SGK1: variants seen among roughly 807,000 people sequenced by gnomAD.
SGK1 encodes serum/glucocorticoid regulated kinase 1.
Under a neutral mutation model 64.2 loss-of-function variants are expected in SGK1, and 26 were observed. That is an observed-to-expected ratio of 0.40 (90% confidence interval 0.30 to 0.56). The LOEUF (loss-of-function observed/expected upper bound fraction) is 0.56. SGK1 is among the 20% of genes least tolerant of loss of function. SGK1 has a pLI of 0.38. For missense variants in SGK1, 519 were observed against 645.6 expected, an observed-to-expected ratio of 0.80 and a Z score of 2.12; for synonymous variants, 265 against 239.7, an observed-to-expected ratio of 1.11 and a Z score of -0.98.
chr6:134,279,234 C>T (rs556673521), intron 1 of SGK1, among the ~76,000 whole-genome samples: 30 of 152,186 alleles, frequency 2.0e-4, no homozygotes, highest in African/African-American at 6.7e-4. Context: ...GAGTTCAAGA[C>T]TAGCCTGGCC....
intron 1 of SGK1, chr6:134,282,945 A>C (rs930589750): frequency 1.3e-5 from 2 of 151,782 alleles, no homozygotes; most frequent in African/African-American, 4.9e-5. Flanking sequence ...AGAGATAAAA[A>C]CTCAGAAAGG....
At chr6:134,283,162 C>G (rs533463617) in intron 1 of SGK1, 3 of 152,322 alleles carry the variant, frequency 2.0e-5, no homozygotes, top group African/African-American at 7.3e-5. Context: ...TGTTCCTTCT[C>G]CACTCCCGCT....
In SGK1 at chr6:134,267,883, C is replaced by T. The variant is rs114985164; in HGVS notation, c.70-5735G>A. Among the ~76,000 whole-genome samples, 870 of 152,314 alleles carry T rather than the reference C, an allele frequency of 5.7e-3. 7 individuals carry two copies. Among genetic ancestry groups the T allele is most frequent in the African/African-American group, 0.019 (807 of 41,572 alleles). On this transcript the variant is annotated intron_variant, in intron 1 of 13. Coordinates refer to ENST00000367858, the MANE Select transcript of SGK1 (RefSeq NM_001143676.3). ...GACTGTTGCTGAATTTTACTGCATG[C>T]TTTGTCTTAAAAAGGTTTTGTCTCC...
intron 3 of SGK1, among the ~76,000 whole-genome samples, chr6:134,180,867 A>G (rs1022141832): frequency 3.5e-5 from 4 of 114,446 alleles, no homozygotes; most frequent in African/African-American, 1.2e-4. Flanking sequence ...GTGAGATCCT[A>G]TCTCAAAAAA....
At chr6:134,244,723 T>G (rs550266303) in intron 2 of SGK1, among the ~76,000 whole-genome samples, 2 of 152,344 alleles carry the variant, frequency 1.3e-5, no homozygotes, top group South Asian at 2.1e-4. Flanking sequence ...TCTGCATTGG[T>G]CTTGCTGGGA....
At chr6:134,260,937 T>C (rs1251814759) in intron 2 of SGK1, 1 of 152,214 alleles carries the variant, frequency 6.6e-6, no homozygotes, top group East Asian at 1.9e-4. Context: ...CTTCTAAATA[T>C]TGTATTTTTA....
chr6:134,203,833 G>A (rs1775724159), intron 3 of SGK1, among the ~76,000 whole-genome samples: 1 of 152,202 alleles, frequency 6.6e-6, no homozygotes, highest in South Asian at 2.1e-4. Flanking sequence ...GGAGGCTGAG[G>A]TGGGTGGATC....
chr6:134,265,161 C>T (rs943782355), intron 1 of SGK1, among the ~76,000 whole-genome samples: 2 of 151,920 alleles, frequency 1.3e-5, no homozygotes, highest in Non-Finnish European at 1.5e-5. Flanking sequence ...AATGTAAAAA[C>T]ATATGTACTA....
intron 1 of SGK1, among the ~76,000 whole-genome samples, chr6:134,275,089 G>A (rs1037827822): frequency 2.0e-5 from 3 of 152,112 alleles, no homozygotes; most frequent in East Asian, 1.9e-4. Flanking sequence ...TATTACAGGC[G>A]TGAGCCACAG....
Position 134,216,304 on chromosome 6 carries a change from T to C in SGK1, c.286-8873A>G, listed in dbSNP as rs192075074. ...AGAAATTCTCAAAATGCTTGTTTCC[T>C]ATTAGGCAGGGAAGTTGTTTTTCTC... is the stretch of plus-strand genomic sequence containing the variant. On this transcript the variant is annotated intron_variant, in intron 2 of 13. Transcript: ENST00000367858. Among the ~76,000 whole-genome samples, 838 of 152,338 alleles carry C rather than the reference T, an allele frequency of 5.5e-3. 3 individuals carry two copies. Among genetic ancestry groups the C allele is most frequent in the Non-Finnish European group, 8.4e-3 (571 of 68,040 alleles).
At position 134,317,759 on chromosome 6, in the gene SGK1, A is replaced by T. The variant is rs931244065; in HGVS notation, c.-299T>A. ...GGTGGGATACGGCCAATCTCCGGGG[A>T]GATGCTGTGGCTCTTACCGAGCGGG... On this transcript the variant is annotated 5_prime_UTR_variant, in exon 1 of 14. Coordinates refer to ENST00000367858, the MANE Select transcript of SGK1 (RefSeq NM_001143676.3). The T allele has an allele frequency of 1.1e-4, 38 of 333,292 alleles. No individual in the cohort carries two copies. The highest frequency in any genetic ancestry group is 7.3e-4 in the African/African-American group (35 of 47,640). The allele number at this position is 333,292 out of a possible 1,614,324, so 20.6% of individuals were successfully genotyped here. A position where few individuals can be genotyped will look rare whatever the true frequency, so the allele number is the denominator to read the frequency against.
intron 1 of SGK1, among the ~76,000 whole-genome samples, chr6:134,264,374 C>A (rs142616727): frequency 1.4e-4 from 21 of 152,144 alleles, no homozygotes; most frequent in African/African-American, 5.1e-4. Context: ...CCACCTTGGC[C>A]TCCCATAGTG....
chr6:134,175,070 G>A (rs911163536), intron 3 of SGK1, among the ~76,000 whole-genome samples: 13 of 152,200 alleles, frequency 8.5e-5, no homozygotes, highest in South Asian at 4.1e-4. Context: ...AGGACCGCCC[G>A]GGGACGGCCT....
intron 10 of SGK1, 142 bp from the exon 11 acceptor site, chr6:134,171,874 C>A (rs1487598666): frequency 4.6e-6 from 3 of 651,552 alleles, no homozygotes; most frequent in Non-Finnish European, 8.0e-6. Context: ...GATAAAACTG[C>A]TGGACTTTTT....
At position 134,177,235 on chromosome 6, in the gene SGK1, CA is replaced by C. The variant is rs200055632; in HGVS notation, c.362-2650del. On this transcript the variant is annotated intron_variant, in intron 3 of 13. Transcript: ENST00000367858. ...CTCAAAACAAACAAACAAACAAAAACAAAACAAAAACAAAAACAAAAAAAAC... is the reference window on the plus strand; with the variant it reads ...CTCAAAACAAACAAACAAACAAAAACAAACAAAAACAAAAACAAAAAAAAC... Among the ~76,000 whole-genome samples, 292 of 108,698 alleles carry C rather than the reference CA, an allele frequency of 2.7e-3. 1 individual carries two copies. Among genetic ancestry groups the C allele is most frequent in the African/African-American group, 0.01 (254 of 24,830 alleles). The allele number at this position is 108,698 out of a possible 152,430, so 71.3% of individuals were successfully genotyped here.
At chr6:134,210,566 C>T (rs1294533907) in intron 2 of SGK1, among the ~76,000 whole-genome samples, 2 of 152,138 alleles carry the variant, frequency 1.3e-5, no homozygotes, top group Admixed American at 1.3e-4. Flanking sequence ...TGGCTCACAC[C>T]TGTAATCCCA....
chr6:134,252,682 A>G (rs1218047611), intron 2 of SGK1, among the ~76,000 whole-genome samples: 2 of 151,850 alleles, frequency 1.3e-5, no homozygotes, highest in Admixed American at 6.6e-5. Flanking sequence ...CTACATAGAA[A>G]TAATTCATCT....
rs1357813926 is a variant in SGK1, at chr6:134,173,320, T to C, written c.656A>G (p.Tyr219Cys). 3 of 1,613,786 alleles carry C rather than the reference T, an allele frequency of 1.9e-6. No homozygotes were observed. Among genetic ancestry groups the C allele is most frequent in the Non-Finnish European group, 2.5e-6 (3 of 1,179,792 alleles). The change falls in exon 7 of 14, where the codon TAT becomes TGT. Residue 219 changes from tyrosine to cysteine, a missense_variant. Transcript: ENST00000367858. ...LARHKAEEVF[Y>C]AVKVLQKKAI... Reference sequence around the variant, plus strand: ...TTTCTTCTGTAAAACTTTGACTGCATAGAACACTTCTTCTGCCTTGTGTCT... The same window carrying C: ...TTTCTTCTGTAAAACTTTGACTGCACAGAACACTTCTTCTGCCTTGTGTCT...
At chr6:134,306,533 T>C (rs1240344325) in intron 1 of SGK1, among the ~76,000 whole-genome samples, 1 of 152,064 alleles carries the variant, frequency 6.6e-6, no homozygotes, top group African/African-American at 2.4e-5. Flanking sequence ...TGATTTCTTT[T>C]TTCCTTTAGA....
Sources: allele counts gnomAD v4.1 joint callset (sites outside exome capture counted in the v4.1 genomes callset), GRCh38; gene constraint gnomAD v4.1.1; transcripts MANE v1.5; gene names NCBI Gene and HGNC (gene_info 2026-07-23, HGNC 2026-07-21).